The following SPAG6 variants were observed in gnomAD, a reference collection of about 807,000 sequenced individuals.
SPAG6 encodes the protein sperm-associated antigen 6.
In SPAG6, 49 loss-of-function variants were observed where a neutral mutation model predicts 58.5. The observed-to-expected ratio is 0.84, with a 90% CI of 0.67 to 1.06. The LOEUF (loss-of-function observed/expected upper bound fraction) is 1.06, where lower values mean the gene tolerates loss of function less well. Ranked by LOEUF, SPAG6 falls within the 50% of genes least tolerant of loss-of-function variation. The pLI, the probability that SPAG6 is intolerant of heterozygous loss-of-function variation, is 0.00. For synonymous variants in SPAG6, 233 were observed against 225.6 expected, an observed-to-expected ratio of 1.03 and a Z score of -0.29; for missense variants, 560 against 611.3, an observed-to-expected ratio of 0.92 and a Z score of 0.89.
chr10:22,381,729 T>C (rs929827764), intron 4 of SPAG6, among the ~76,000 whole-genome samples: 5 of 152,216 alleles, frequency 3.3e-5, no homozygotes, highest in Non-Finnish European at 5.9e-5. Flanking sequence ...GGGGCATTCC[T>C]GTCTGCTCTC....
chr10:22,362,349 A>G (rs938264384), intron 2 of SPAG6, among the ~76,000 whole-genome samples: 7 of 151,504 alleles, frequency 4.6e-5, no homozygotes, highest in African/African-American at 1.7e-4. Flanking sequence ...TCATTAATGC[A>G]TTTATTATGA....
intron 2 of SPAG6, among the ~76,000 whole-genome samples, chr10:22,358,987 C>T (rs958159492): frequency 1.1e-4 from 16 of 152,116 alleles, no homozygotes; most frequent in African/African-American, 3.1e-4. Context: ...GCCAAGGTCC[C>T]TCAGCTAGGA....
intron 2 of SPAG6, among the ~76,000 whole-genome samples, chr10:22,348,233 C>A (rs1443955167): frequency 2.0e-5 from 3 of 152,212 alleles, no homozygotes; most frequent in Non-Finnish European, 4.4e-5. Context: ...TTGTGATCCA[C>A]CCGCCTTGGC....
chr10:22,384,757 T>C (rs1415354519), intron 4 of SPAG6, among the ~76,000 whole-genome samples: 1 of 152,196 alleles, frequency 6.6e-6, no homozygotes, highest in Non-Finnish European at 1.5e-5. Flanking sequence ...CTGGAGAGAA[T>C]AGAAAACTTG....
chr10:22,376,106 TACTC>T (rs750641458), intron 4 of SPAG6, among the ~76,000 whole-genome samples: 49 of 152,226 alleles, frequency 3.2e-4, no homozygotes, highest in Admixed American at 3.9e-4. Context: ...TAAAAATTGA[TACTC>T]AACTTAGTTA....
chr10:22,384,760 A>G (rs1275376104), intron 4 of SPAG6, among the ~76,000 whole-genome samples: 2 of 152,224 alleles, frequency 1.3e-5, no homozygotes, highest in Non-Finnish European at 2.9e-5. Flanking sequence ...GAGAGAATAG[A>G]AAACTTGGGC....
chr10:22,388,030 G>C, intron 6 of SPAG6, 34 bp downstream of exon 6: 2 of 1,542,902 alleles, frequency 1.3e-6, no homozygotes, highest in South Asian at 1.2e-5. Context: ...ATAATATGTA[G>C]TAGTTAGTTT....
intron 7 of SPAG6, among the ~76,000 whole-genome samples, chr10:22,389,673 C>T (rs951218661): frequency 6.6e-6 from 1 of 152,136 alleles, no homozygotes; most frequent in Non-Finnish European, 1.5e-5. Flanking sequence ...TAGTCATTTT[C>T]AGTATTCTGG....
In SPAG6 at chr10:22,348,179, C is replaced by T. The variant is rs370144563; in HGVS notation, c.121+2361C>T. On this transcript the variant is annotated intron_variant, in intron 2 of 10. Coordinates refer to ENST00000376624, the MANE Select transcript of SPAG6 (RefSeq NM_012443.4). Reference sequence around the variant, plus strand: ...CTAATTTTTGTACTTTTAGTAGAGACGGGGTTCCAGCATGTTGGCCAGGAT... The same window carrying T: ...CTAATTTTTGTACTTTTAGTAGAGATGGGGTTCCAGCATGTTGGCCAGGAT... Among the ~76,000 whole-genome samples, 26 of 152,248 alleles carry T rather than the reference C, an allele frequency of 1.7e-4. No homozygotes were observed. The South Asian group carries it at 2.5e-3, about 15-fold the overall frequency.
At chr10:22,356,601 A>T (rs1440226771) in intron 2 of SPAG6, among the ~76,000 whole-genome samples, 1 of 152,214 alleles carries the variant, frequency 6.6e-6, no homozygotes, top group African/African-American at 2.4e-5. Flanking sequence ...GCCAGTATGA[A>T]TTTATTGAGG....
rs1231891365 is a variant in SPAG6 at position 22,345,926 on chromosome 10, G to T, written c.121+108G>T. 1 of 1,568,448 alleles carries T rather than the reference G, an allele frequency of 6.4e-7. No individual in the cohort carries two copies. The highest frequency in any genetic ancestry group is 2.4e-5 in the East Asian group (1 of 41,840). On this transcript the variant is annotated intron_variant, in intron 2 of 10. Coordinates refer to ENST00000376624, the MANE Select transcript of SPAG6 (RefSeq NM_012443.4). The surrounding 1 kb of genome is among the most constrained non-coding windows in gnomAD (Gnocchi z 6.3). ...CTTGGGGAGCCGCAGTGTGGGGACC[G>T]GAGTTCGCAAAAGCATCCATTCTTT...
At position 22,368,557 on chromosome 10, in the gene SPAG6, A is replaced by G. The variant is rs147050992; in HGVS notation, c.351A>G (p.Leu117=). 6 of 1,614,020 alleles carry G rather than the reference A, an allele frequency of 3.7e-6. No homozygotes were observed. The highest frequency in any genetic ancestry group is 4.2e-6 in the Non-Finnish European group (5 of 1,179,960). The change falls in exon 4 of 11, where the codon CTA becomes CTG. Residue 117 remains leucine, a synonymous_variant. Coordinates refer to ENST00000376624, the MANE Select transcript of SPAG6 (RefSeq NM_012443.4). ...LRAVGKHSPQ[L]AQAIVDCGAL... is the part of the protein sequence containing the mutation. ...CAGTTGGTAAACATTCTCCCCAGCT[A>G]GCTCAGGCAATAGTCGATTGTGGAG...
chr10:22,392,304 A>G (rs1311902366), intron 8 of SPAG6, among the ~76,000 whole-genome samples: 2 of 152,188 alleles, frequency 1.3e-5, no homozygotes, highest in African/African-American at 4.8e-5. Flanking sequence ...AATGTATCAT[A>G]TAACTAGTCA....
intron 10 of SPAG6, among the ~76,000 whole-genome samples, chr10:22,412,686 C>G (rs1210652394): frequency 6.6e-6 from 1 of 152,168 alleles, no homozygotes; most frequent in African/African-American, 2.4e-5. Flanking sequence ...ATTCTCCTGC[C>G]TCAGCCTCCC....
At chr10:22,411,579 A>G (rs984831636) in intron 10 of SPAG6, 1 of 153,982 alleles carries the variant, frequency 6.5e-6, no homozygotes, top group African/African-American at 2.4e-5. Flanking sequence ...TCACAGGTAG[A>G]AAAGAGATGT....
chr10:22,391,629 A>T (rs1834185717), intron 7 of SPAG6, 100 bp from the exon 8 acceptor site: 1 of 1,040,406 alleles, frequency 9.6e-7, no homozygotes, highest in East Asian at 2.5e-5. Flanking sequence ...GAAAAAAAGG[A>T]TCAAGGCCGA....
rs2132054614 is a variant in SPAG6 at position 22,368,635 on chromosome 10, G to A, written c.429G>A (p.Glu143=). 1 of 1,613,886 alleles carries A rather than the reference G, an allele frequency of 6.2e-7. No individual in the cohort carries two copies. The highest frequency in any genetic ancestry group is 8.5e-7 in the Non-Finnish European group (1 of 1,179,916). ...AAGATTTTGACCCTGGAGTCAAGGA[G>A]GCTGCAGCCTGGGCACTTAGATATA... ...CLEDFDPGVK[E]AAAWALRYIA... The change falls in exon 4 of 11, where the codon GAG becomes GAA. Residue 143 remains glutamate, a synonymous_variant. Coordinates refer to ENST00000376624, the MANE Select transcript of SPAG6 (RefSeq NM_012443.4).
chr10:22,383,131 T>G lies in SPAG6; in HGVS notation c.473-3623T>G, dbSNP rs1248909464. 2.0e-5 allele frequency among the ~76,000 whole-genome samples: 3 copies of G among 152,252 alleles called. No individual in the cohort carries two copies. The East Asian group carries it at 5.8e-4, about 29-fold the overall frequency. ...TATTTTCAGGGACTGAAGATAAATT[T>G]CTTGGCTCACTGCTTTTTTTGGTCA... On this transcript the variant is annotated intron_variant, in intron 4 of 10. Transcript: ENST00000376624.
intron 9 of SPAG6, among the ~76,000 whole-genome samples, chr10:22,410,600 A>G (rs1834707369): frequency 6.6e-6 from 1 of 152,132 alleles, no homozygotes; most frequent in African/African-American, 2.4e-5. Context: ...GGGCAAAGGC[A>G]AGAGATGACA....
Sources: gnomAD v4.1 joint callset for allele counts (sites outside exome capture counted in the v4.1 genomes callset) on GRCh38, gnomAD v4.1.1 for gene constraint, Gnocchi (gnomAD v3.1) non-coding constraint, MANE v1.5 for transcripts, NCBI Gene and HGNC (gene_info 2026-07-23, HGNC 2026-07-21) for gene names.